The following PDE4D variants were observed in gnomAD, a reference collection of about 807,000 sequenced individuals.
PDE4D encodes the protein phosphodiesterase 4D.
A neutral mutation model predicts 87.4 loss-of-function variants in PDE4D; 24 were observed. The observed-to-expected ratio is 0.27, with a 90% confidence interval of 0.20 to 0.39. The LOEUF is 0.39. PDE4D is among the 10% of genes least tolerant of loss of function. The probability of loss-of-function intolerance (pLI) is 1.00; values close to 1 mark genes in which losing one functional copy is unlikely to be tolerated. For missense variants in PDE4D, 714 were observed against 1,041.0 expected, an observed-to-expected ratio of 0.69 and a Z score of 4.32; for synonymous variants, 384 against 383.2, an observed-to-expected ratio of 1.00 and a Z score of -0.02.
At chr5:59,432,065 C>T (rs998440399) in intron 1 of PDE4D, among the ~76,000 whole-genome samples, 1 of 151,798 alleles carries the variant, frequency 6.6e-6, no homozygotes, top group Non-Finnish European at 1.5e-5. Context: ...TTTTAACATG[C>T]CAAATGACAC....
At chr5:59,248,031 G>A (rs79132832) in intron 1 of PDE4D, among the ~76,000 whole-genome samples, 1,633 of 82,630 alleles carry the variant, frequency 0.02, 61 homozygotes, top group African/African-American at 0.075. Flanking sequence ...ATTGGATACC[G>A]TATCTATTAG....
At chr5:59,574,711 CT>C (rs1269140199) in intron 1 of PDE4D, among the ~76,000 whole-genome samples, 1 of 152,150 alleles carries the variant, frequency 6.6e-6, no homozygotes, top group Non-Finnish European at 1.5e-5. Flanking sequence ...CTCCTTATTA[CT>C]TTCCCCCCAA....
chr5:59,209,424 C>T (rs1256647452), intron 2 of PDE4D, among the ~76,000 whole-genome samples: 5 of 152,124 alleles, frequency 3.3e-5, no homozygotes, highest in African/African-American at 9.7e-5. Context: ...CAGCTCAAGC[C>T]ATCTGCCTGC....
At chr5:60,460,013 C>T (rs1746799831) in intron 1 of PDE4D, 3 of 1,157,456 alleles carry the variant, frequency 2.6e-6, no homozygotes, top group Non-Finnish European at 3.9e-6. Flanking sequence ...ATATCGGGAA[C>T]CAAGTAGTAC....
At chr5:59,442,535 C>G (rs1001414979) in intron 1 of PDE4D, among the ~76,000 whole-genome samples, 1 of 152,074 alleles carries the variant, frequency 6.6e-6, no homozygotes, top group African/African-American at 2.4e-5. Flanking sequence ...TGTGAGTGAA[C>G]AAATATTTAA....
At chr5:60,145,397 A>G (rs1780900752) in intron 2 of PDE4D, among the ~76,000 whole-genome samples, 1 of 152,154 alleles carries the variant, frequency 6.6e-6, no homozygotes, top group Non-Finnish European at 1.5e-5. Flanking sequence ...TGGGGGAGCT[A>G]TGAGGAAGAG....
At chr5:60,309,389 C>G (rs1754799202) in intron 1 of PDE4D, among the ~76,000 whole-genome samples, 2 of 152,238 alleles carry the variant, frequency 1.3e-5, no homozygotes, top group South Asian at 4.2e-4. Context: ...CCATAAACAA[C>G]TGGACAAACT....
At chr5:59,605,183 T>C (rs980757261) in intron 1 of PDE4D, among the ~76,000 whole-genome samples, 1 of 152,130 alleles carries the variant, frequency 6.6e-6, no homozygotes, top group Non-Finnish European at 1.5e-5. Flanking sequence ...TAAAGACAAT[T>C]ATATAGATTT....
intron 2 of PDE4D, among the ~76,000 whole-genome samples, chr5:60,107,744 C>T (rs1777160354): frequency 6.6e-6 from 1 of 152,262 alleles, no homozygotes; most frequent in South Asian, 2.1e-4. Flanking sequence ...ATAAACAGAA[C>T]CGAAGACAAA....
chr5:59,910,265 TCTC>T (rs1412479822), intron 3 of PDE4D, among the ~76,000 whole-genome samples: 1 of 152,192 alleles, frequency 6.6e-6, no homozygotes. Flanking sequence ...ATTCAACTAT[TCTC>T]CTAGCATACC....
At chr5:60,218,923 TA>T (rs1425177190) in intron 1 of PDE4D, among the ~76,000 whole-genome samples, 1 of 152,152 alleles carries the variant, frequency 6.6e-6, no homozygotes, top group Non-Finnish European at 1.5e-5. Context: ...ATTGTGTTAT[TA>T]AATTACTATT....
At chr5:59,285,758 C>G (rs1269070637) in intron 1 of PDE4D, among the ~76,000 whole-genome samples, 4 of 152,104 alleles carry the variant, frequency 2.6e-5, no homozygotes, top group African/African-American at 9.7e-5. Context: ...AAAGAAATAA[C>G]TTTTCCAGGA....
At chr5:59,163,080 G>A (rs114722013) in intron 5 of PDE4D, among the ~76,000 whole-genome samples, 3,072 of 149,546 alleles carry the variant, frequency 0.021, 117 homozygotes, top group African/African-American at 0.072. Flanking sequence ...TTACAGGCAT[G>A]TGCCACCATG....
At chr5:59,755,855 G>GA (rs912269702) in intron 1 of PDE4D, among the ~76,000 whole-genome samples, 124 of 141,002 alleles carry the variant, frequency 8.8e-4, no homozygotes, top group African/African-American at 1.8e-3. Context: ...AGCCATGTAT[G>GA]AAAAAAAAAA....
chr5:60,166,823 A>T (rs1782951010), intron 2 of PDE4D, among the ~76,000 whole-genome samples: 1 of 152,010 alleles, frequency 6.6e-6, no homozygotes, highest in Non-Finnish European at 1.5e-5. Context: ...TGTGTATAGC[A>T]TTCTTGGCTG....
chr5:59,484,174 T>C (rs1804723161), intron 1 of PDE4D, among the ~76,000 whole-genome samples: 1 of 152,130 alleles, frequency 6.6e-6, no homozygotes, highest in African/African-American at 2.4e-5. Context: ...TCCACTAGGG[T>C]CTAGGCTTTT....
intron 1 of PDE4D, among the ~76,000 whole-genome samples, chr5:60,458,066 T>C (rs1746614959): frequency 6.6e-6 from 1 of 152,138 alleles, no homozygotes. Flanking sequence ...TTTTCTAGTG[T>C]TCTCCCTTTT....
chr5:59,201,158 C>T (rs1747265502), intron 2 of PDE4D, among the ~76,000 whole-genome samples: 1 of 151,980 alleles, frequency 6.6e-6, no homozygotes, highest in Non-Finnish European at 1.5e-5. Context: ...GTTCATTTAT[C>T]ATTCATTCAT....
chr5:59,439,157 G>C (rs1423304112), intron 1 of PDE4D, among the ~76,000 whole-genome samples: 1 of 151,996 alleles, frequency 6.6e-6, no homozygotes, highest in African/African-American at 2.4e-5. Flanking sequence ...TCAGGAATTC[G>C]AGACCAGCTT....
Sources: allele counts gnomAD v4.1 joint callset (sites outside exome capture counted in the v4.1 genomes callset), GRCh38; gene constraint gnomAD v4.1.1; transcripts MANE v1.5; gene names NCBI Gene and HGNC (gene_info 2026-07-23, HGNC 2026-07-21).